FNDC1: variants seen among roughly 807,000 people sequenced by gnomAD.
FNDC1 encodes fibronectin type III domain-containing protein 1.
In FNDC1, 96 loss-of-function variants were observed where a neutral mutation model predicts 168.0. The observed-to-expected ratio is 0.57, with a 90% CI of 0.48 to 0.68. FNDC1 has a LOEUF of 0.68. Among genes scored for constraint, FNDC1 ranks in the 30% least tolerant of loss-of-function variants. The pLI, the probability that FNDC1 is intolerant of heterozygous loss-of-function variation, is 0.00. For missense variants in FNDC1, 2,587 were observed against 2,482.1 expected, an observed-to-expected ratio of 1.04 and a Z score of -0.90; for synonymous variants, 1,099 against 1,025.9, an observed-to-expected ratio of 1.07 and a Z score of -1.36.
intron 4 of FNDC1, among the ~76,000 whole-genome samples, chr6:159,203,584 C>A (rs779192075): frequency 6.6e-6 from 1 of 152,182 alleles, no homozygotes; most frequent in Non-Finnish European, 1.5e-5. Context: ...TTCTCCGAGC[C>A]GGAAAGCTTT....
At chr6:159,175,237 G>A (rs538568472) in intron 1 of FNDC1, among the ~76,000 whole-genome samples, 18 of 152,164 alleles carry the variant, frequency 1.2e-4, no homozygotes, top group South Asian at 2.1e-4. Context: ...AAAGTGTTAC[G>A]GAGTTCACCA....
intron 10 of FNDC1, among the ~76,000 whole-genome samples, chr6:159,230,962 T>TTA (rs57862000): frequency 2.0e-5 from 3 of 152,160 alleles, no homozygotes; most frequent in African/African-American, 7.2e-5. Flanking sequence ...GAGTTTTTTT[T>TTA]ATTTTAAGCC....
At chr6:159,254,980 A>G (rs916906047) in intron 17 of FNDC1, among the ~76,000 whole-genome samples, 13 of 152,118 alleles carry the variant, frequency 8.5e-5, no homozygotes, top group Admixed American at 2.6e-4. Context: ...AGCTATTGCC[A>G]TCTCTCACCT....
At chr6:159,187,343 C>G (rs188198495) in intron 1 of FNDC1, among the ~76,000 whole-genome samples, 6 of 152,308 alleles carry the variant, frequency 3.9e-5, no homozygotes, top group Admixed American at 3.9e-4. Context: ...TGATGTTCCT[C>G]TGACCTGACA....
intron 9 of FNDC1, 25 bp downstream of exon 9, chr6:159,226,605 T>G: frequency 1.3e-6 from 2 of 1,528,902 alleles, no homozygotes; most frequent in South Asian, 2.4e-5. Context: ...CCCTAAACTG[T>G]AAGATGCATT....
intron 4 of FNDC1, among the ~76,000 whole-genome samples, chr6:159,203,247 G>A (rs1782414203): frequency 6.6e-6 from 1 of 152,204 alleles, no homozygotes; most frequent in Admixed American, 6.5e-5. Flanking sequence ...GCACAATGCA[G>A]CCCATAACAC....
chr6:159,223,319 A>G (rs1318695184), intron 6 of FNDC1, among the ~76,000 whole-genome samples: 1 of 152,180 alleles, frequency 6.6e-6, no homozygotes, highest in Non-Finnish European at 1.5e-5. Flanking sequence ...CTTAGCCTGT[A>G]TTTAAGAAAT....
At chr6:159,170,168 T>A (rs1781623125) in intron 1 of FNDC1, among the ~76,000 whole-genome samples, 1 of 151,912 alleles carries the variant, frequency 6.6e-6, no homozygotes, top group African/African-American at 2.4e-5. Context: ...TTCTAGAAGG[T>A]CGTGGGGGAA....
Position 159,232,141 on chromosome 6 carries a change from G to C in FNDC1, c.1629G>C (p.Glu543Asp). 1 of 1,613,950 alleles carries C rather than the reference G, an allele frequency of 6.2e-7. No homozygotes were observed. Among genetic ancestry groups the C allele is most frequent in the Non-Finnish European group, 8.5e-7 (1 of 1,179,880 alleles). The change falls in exon 11 of 23, where the codon GAG becomes GAC. Residue 543 changes from glutamate to aspartate, a missense_variant. Transcript: ENST00000297267. The surrounding 1 kb of genome is among the most constrained non-coding windows in gnomAD (Gnocchi z 4.9). ...TTCAGTCGACAGAAATCACTGGGGAGGAGGAGCTGGGTTCCCGGGAGGACT... is the reference window on the plus strand; with the variant it reads ...TTCAGTCGACAGAAATCACTGGGGACGAGGAGCTGGGTTCCCGGGAGGACT... ...LDLQSTEITG[E>D]EELGSREDSP...
chr6:159,222,683 C>T (rs1215283282), intron 6 of FNDC1, among the ~76,000 whole-genome samples: 1 of 152,178 alleles, frequency 6.6e-6, no homozygotes, highest in East Asian at 1.9e-4. Context: ...CATATCTGAA[C>T]ATGTTTTAAT....
At chr6:159,197,308 G>T in intron 1 of FNDC1, 123 bp from the exon 2 acceptor site, 1 of 919,244 alleles carries the variant, frequency 1.1e-6, no homozygotes. Flanking sequence ...TATCCTTAAA[G>T]TCTTTCGGAT....
At chr6:159,268,031 A>G (rs570912469) in intron 22 of FNDC1, 105 bp downstream of exon 22, 6 of 1,239,542 alleles carry the variant, frequency 4.8e-6, no homozygotes, top group South Asian at 1.4e-5. Flanking sequence ...TCATTCGAAG[A>G]TGGATGTTGG....
At chr6:159,189,981 G>T (rs547940903) in intron 1 of FNDC1, among the ~76,000 whole-genome samples, 3 of 152,330 alleles carry the variant, frequency 2.0e-5, no homozygotes, top group African/African-American at 7.2e-5. Flanking sequence ...TTTTCAGCCT[G>T]GAGGTCAGCT....
chr6:159,215,998 G>C (rs1467057381), intron 5 of FNDC1, among the ~76,000 whole-genome samples: 2 of 151,738 alleles, frequency 1.3e-5, no homozygotes, highest in East Asian at 3.9e-4. Flanking sequence ...GTCTTGCTCT[G>C]TCTCCCAGGC....
chr6:159,258,126 C>T (rs1003451698), intron 18 of FNDC1, among the ~76,000 whole-genome samples: 5 of 152,012 alleles, frequency 3.3e-5, no homozygotes, highest in Non-Finnish European at 5.9e-5. Flanking sequence ...TTATGTAGGG[C>T]GATGGTTTAC....
intron 19 of FNDC1, among the ~76,000 whole-genome samples, chr6:159,262,966 A>G (rs1273991673): frequency 6.6e-6 from 1 of 152,266 alleles, no homozygotes; most frequent in Non-Finnish European, 1.5e-5. Flanking sequence ...GAAAATGGCT[A>G]GGCGAGCAAC....
intron 1 of FNDC1, among the ~76,000 whole-genome samples, chr6:159,187,716 A>G (rs1782032965): frequency 6.6e-6 from 1 of 152,196 alleles, no homozygotes; most frequent in Non-Finnish European, 1.5e-5. Context: ...TGGGTCATAA[A>G]TATTTGCCAA....
chr6:159,252,380 T>C (rs1180189302), intron 17 of FNDC1, among the ~76,000 whole-genome samples: 1 of 152,188 alleles, frequency 6.6e-6, no homozygotes, highest in African/African-American at 2.4e-5. Flanking sequence ...TTTCTAGTGC[T>C]TGTCTTGGTG....
intron 1 of FNDC1, among the ~76,000 whole-genome samples, chr6:159,194,070 TGG>T (rs1280073895): frequency 1.3e-5 from 2 of 152,268 alleles, no homozygotes; most frequent in Non-Finnish European, 2.9e-5. Flanking sequence ...AGGCTCTTAC[TGG>T]CTTTCTTCTT....
Sources: allele counts gnomAD v4.1 joint callset (sites outside exome capture counted in the v4.1 genomes callset), GRCh38; gene constraint gnomAD v4.1.1; non-coding constraint Gnocchi (gnomAD v3.1); transcripts MANE v1.5; gene names NCBI Gene and HGNC (gene_info 2026-07-23, HGNC 2026-07-21).